The following HCN1 variants were observed in gnomAD, a reference collection of about 807,000 sequenced individuals.
HCN1 encodes potassium/sodium hyperpolarization-activated cyclic nucleotide-gated channel 1.
Under a neutral mutation model 78.9 loss-of-function variants are expected in HCN1, and 13 were observed. The ratio of observed to expected loss-of-function variants is 0.16; its 90% CI spans 0.11 to 0.26. HCN1 has a LOEUF of 0.26. Among genes scored for constraint, HCN1 ranks in the 10% least tolerant of loss-of-function variants. The pLI, the probability that HCN1 is intolerant of heterozygous loss-of-function variation, is 1.00. For missense variants in HCN1, 810 were observed against 1,154.3 expected (o/e 0.70, Z 4.32); for synonymous variants, 552 against 455.5 (o/e 1.21, Z -2.70).
chr5:45,348,801 T>A (rs541161464), intron 5 of HCN1, among the ~76,000 whole-genome samples: 7 of 152,256 alleles, frequency 4.6e-5, no homozygotes, highest in African/African-American at 1.7e-4. Flanking sequence ...GGTAAAGGGA[T>A]CAATTCAACA....
intron 2 of HCN1, among the ~76,000 whole-genome samples, chr5:45,607,553 ATATAGACAAATAGATCACAATATCAT>A (rs1056269656): frequency 6.7e-6 from 1 of 149,520 alleles, no homozygotes; most frequent in Non-Finnish European, 1.5e-5. Flanking sequence ...TGATATTGGG[ATATAGACAAATAGATCACAATATCAT>A]TATATATATA....
In HCN1 at chr5:45,260,973, G is replaced by A. The variant is rs1178223040; in HGVS notation, c.*948C>T. ...AGAAAGAAAAGTAACGATTTTTGGT[G>A]TAATACAAGCAATTTGTAGATTCGA... On this transcript the variant is annotated 3_prime_UTR_variant, in exon 8 of 8. Transcript: ENST00000303230. 6.6e-6 allele frequency: 1 copy of A among 152,538 alleles called. No homozygotes were observed. The highest frequency in any genetic ancestry group is 1.5e-5 in the Non-Finnish European group (1 of 68,014). 9.4% of individuals were successfully genotyped at this position (152,538 alleles called of 1,614,324 possible).
chr5:45,674,791 A>C (rs1010245600), intron 1 of HCN1, among the ~76,000 whole-genome samples: 25 of 151,748 alleles, frequency 1.6e-4, no homozygotes, highest in Non-Finnish European at 3.1e-4. Flanking sequence ...TAAGATATGC[A>C]TGGGCTGGGT....
intron 2 of HCN1, among the ~76,000 whole-genome samples, chr5:45,504,943 G>C (rs905284493): frequency 2.1e-4 from 32 of 152,106 alleles, no homozygotes; most frequent in Non-Finnish European, 4.4e-4. Context: ...TTTTTGATGG[G>C]GTTGTTTGTT....
chr5:45,471,891 A>T (rs62369083), intron 2 of HCN1, among the ~76,000 whole-genome samples: 10,637 of 151,888 alleles, frequency 0.07, 474 homozygotes, highest in East Asian at 0.14. Flanking sequence ...CAAAAACTTA[A>T]TTTACCTCAC....
chr5:45,350,732 C>G (rs1350519055), intron 5 of HCN1, among the ~76,000 whole-genome samples: 1 of 151,214 alleles, frequency 6.6e-6, no homozygotes, highest in Non-Finnish European at 1.5e-5. Context: ...ACACCAACAA[C>G]AGACAAACAG....
chr5:45,687,306 T>C (rs2112097928), intron 1 of HCN1, among the ~76,000 whole-genome samples: 1 of 152,324 alleles, frequency 6.6e-6, no homozygotes, highest in East Asian at 1.9e-4. Context: ...TGCTGCTATC[T>C]GGAAAATTTT....
intron 2 of HCN1, among the ~76,000 whole-genome samples, chr5:45,552,859 T>C (rs1273524978): frequency 1.3e-5 from 2 of 151,904 alleles, no homozygotes; most frequent in Non-Finnish European, 2.9e-5. Flanking sequence ...GCATAATGTA[T>C]ATGATAAAAG....
chr5:45,676,445 T>A, intron 1 of HCN1, among the ~76,000 whole-genome samples: 1 of 151,792 alleles, frequency 6.6e-6, no homozygotes, highest in East Asian at 1.9e-4. Flanking sequence ...TTTTTATTTG[T>A]ATTTCTGTAC....
intron 2 of HCN1, among the ~76,000 whole-genome samples, chr5:45,498,595 AT>A (rs1443061399): frequency 6.6e-6 from 1 of 152,088 alleles, no homozygotes; most frequent in Non-Finnish European, 1.5e-5. Flanking sequence ...CGTCAAAGTC[AT>A]TTTCCGTCCA....
chr5:45,584,615 T>C (rs529242351), intron 2 of HCN1, among the ~76,000 whole-genome samples: 261 of 152,340 alleles, frequency 1.7e-3, no homozygotes, highest in African/African-American at 5.6e-3. Context: ...ATGCAGTTTC[T>C]TCCTAGCCTC....
intron 3 of HCN1, among the ~76,000 whole-genome samples, chr5:45,410,940 T>C: frequency 6.6e-6 from 1 of 152,094 alleles, no homozygotes; most frequent in East Asian, 1.9e-4. Context: ...TTTTATCATG[T>C]GTAGACTCCT....
chr5:45,411,589 G>A (rs561482968), intron 3 of HCN1, among the ~76,000 whole-genome samples: 3 of 151,910 alleles, frequency 2.0e-5, no homozygotes, highest in Non-Finnish European at 4.4e-5. Context: ...TTATGGCACA[G>A]AGAAGAAAAT....
intron 4 of HCN1, among the ~76,000 whole-genome samples, chr5:45,394,821 A>C (rs1007094598): frequency 6.6e-6 from 1 of 152,150 alleles, no homozygotes; most frequent in African/African-American, 2.4e-5. Context: ...CAAAAAAAAA[A>C]AGTTATATTC....
At chr5:45,665,504 G>T (rs1243110957) in intron 1 of HCN1, among the ~76,000 whole-genome samples, 2 of 151,838 alleles carry the variant, frequency 1.3e-5, no homozygotes, top group African/African-American at 4.8e-5. Context: ...TAAGTGACAG[G>T]CTGTGTATCT....
chr5:45,288,136 C>G lies in HCN1; in HGVS notation c.1618+15463G>C, dbSNP rs544941861. Among the ~76,000 whole-genome samples, 29 of 152,094 alleles carry G rather than the reference C, an allele frequency of 1.9e-4. No individual in the cohort carries two copies. The South Asian group carries it at 3.3e-3, about 17-fold the overall frequency. On this transcript the variant is annotated intron_variant, in intron 6 of 7. Transcript: ENST00000303230. ...TAACCAGTATCCTCTCATCTCCCAC[C>G]ACATTTCAAGGAGCTTCACAGTCCA...
At chr5:45,431,584 T>C (rs1184753856) in intron 3 of HCN1, among the ~76,000 whole-genome samples, 1 of 152,216 alleles carries the variant, frequency 6.6e-6, no homozygotes, top group Non-Finnish European at 1.5e-5. Context: ...ATTTAAGTCA[T>C]TAATCCATCA....
chr5:45,334,493 A>G (rs1382577225), intron 5 of HCN1, among the ~76,000 whole-genome samples: 1 of 151,692 alleles, frequency 6.6e-6, no homozygotes, highest in Non-Finnish European at 1.5e-5. Context: ...GTGACTTCCT[A>G]CATTTCTAGT....
At chr5:45,310,520 T>C (rs1026891168) in intron 5 of HCN1, among the ~76,000 whole-genome samples, 1 of 152,144 alleles carries the variant, frequency 6.6e-6, no homozygotes, top group Non-Finnish European at 1.5e-5. Context: ...AAATAACAGA[T>C]GCTGGTGATG....
Sources: allele counts gnomAD v4.1 joint callset (sites outside exome capture counted in the v4.1 genomes callset), GRCh38; gene constraint gnomAD v4.1.1; transcripts MANE v1.5; gene names NCBI Gene and HGNC (gene_info 2026-07-23, HGNC 2026-07-21).